Variants in RFC1 observed in about 807,000 individuals in gnomAD.
The protein encoded by RFC1 is replication factor C subunit 1.
Under a neutral mutation model 137.4 loss-of-function variants are expected in RFC1, and 37 were observed. The ratio of observed to expected loss-of-function variants is 0.27; its 90% CI spans 0.21 to 0.35. The LOEUF is 0.35. Among genes scored for constraint, RFC1 ranks in the 10% least tolerant of loss-of-function variants. The pLI is 1.00. For missense variants in RFC1, 1,205 were observed against 1,358.5 expected, an observed-to-expected ratio of 0.89 and a Z score of 1.78; for synonymous variants, 429 against 455.7, an observed-to-expected ratio of 0.94 and a Z score of 0.75.
intron 11 of RFC1, 24 bp from the exon 12 acceptor site, chr4:39,311,573 T>A: frequency 6.3e-7 from 1 of 1,580,158 alleles, no homozygotes; most frequent in South Asian, 1.1e-5. Flanking sequence ...ATGTAAACCA[T>A]CAAAACTGCA....
intron 4 of RFC1, among the ~76,000 whole-genome samples, chr4:39,329,125 C>CAAAAAAAAAAAAAAAAA (rs1739940741): frequency 3.9e-4 from 1 of 2,546 alleles, no homozygotes; most frequent in Non-Finnish European, 7.0e-4. Context: ...TTCAGTGACT[C>CAAAAAAAAAAAAAAAAA]ACAAAAAAAA....
chr4:39,321,147 T>C, intron 8 of RFC1, 140 bp downstream of exon 8: 1 of 647,748 alleles, frequency 1.5e-6, no homozygotes, highest in Non-Finnish European at 2.5e-6. Context: ...AGTTTCTAAG[T>C]TCAATATGCT....
At chr4:39,347,631 A>G (rs1394726232) in intron 2 of RFC1, among the ~76,000 whole-genome samples, 1 of 152,232 alleles carries the variant, frequency 6.6e-6, no homozygotes, top group Non-Finnish European at 1.5e-5. Flanking sequence ...ATTTTCTAGC[A>G]TGTAGAAAAA....
chr4:39,312,887 G>T lies in RFC1; in HGVS notation c.1248C>A (p.Gly416=). 6.2e-7 allele frequency: 1 copy of T among 1,613,828 alleles called. No homozygotes were observed. Among genetic ancestry groups the T allele is most frequent in the Non-Finnish European group, 8.5e-7 (1 of 1,179,896 alleles). ...CATCTCGTTCAATAGACTCCAGCAC[G>T]CCTGTGATTACAAATATAAGGCCTT... ...CLEGLIFVIT[G]VLESIERDEA... is the part of the protein sequence containing the mutation. Residue 416 remains glycine, a synonymous_variant, in exon 11 of 25, where the codon GGC becomes GGA. Coordinates refer to ENST00000349703, the MANE Select transcript of RFC1 (RefSeq NM_002913.5).
chr4:39,311,385 T>G, intron 12 of RFC1, 60 bp downstream of exon 12: 2 of 1,389,302 alleles, frequency 1.4e-6, no homozygotes, highest in Non-Finnish European at 2.0e-6. Context: ...CCAAGACATA[T>G]GTCTATGAAA....
chr4:39,287,854 T>C lies in RFC1; in HGVS notation c.*907A>G, dbSNP rs1319357276. ...CCAGTGTTCATTTTGTCCCCCACCA[T>C]AGTGAAATTAAGAGCCTGACCCAGC... On this transcript the variant is annotated 3_prime_UTR_variant, in exon 25 of 25. Coordinates refer to ENST00000349703, the MANE Select transcript of RFC1 (RefSeq NM_002913.5). 1 of 152,118 alleles carries C rather than the reference T, an allele frequency of 6.6e-6. No homozygotes were observed. Among genetic ancestry groups the C allele is most frequent in the Non-Finnish European group, 1.5e-5 (1 of 68,014 alleles). The allele number at this position is 152,118 out of a possible 1,614,324, so 9.4% of individuals were successfully genotyped here.
intron 1 of RFC1, among the ~76,000 whole-genome samples, chr4:39,362,435 T>C (rs573044897): frequency 1.3e-5 from 2 of 152,316 alleles, no homozygotes; most frequent in East Asian, 3.9e-4. Flanking sequence ...GGCATTTAGA[T>C]AGATATATAG....
chr4:39,325,213 AG>A (rs1282899093), intron 6 of RFC1, among the ~76,000 whole-genome samples: 13 of 152,254 alleles, frequency 8.5e-5, no homozygotes, highest in Admixed American at 3.9e-4. Context: ...TTCTCCCCTG[AG>A]TTCCTGACTC....
At chr4:39,359,430 G>C (rs1197008281) in intron 1 of RFC1, among the ~76,000 whole-genome samples, 1 of 152,192 alleles carries the variant, frequency 6.6e-6, no homozygotes, top group Non-Finnish European at 1.5e-5. Context: ...GATGGGACTG[G>C]AAACTATTAT....
rs759353426 is a variant in RFC1, at chr4:39,312,839, A to C, written c.1296T>G (p.Arg432=). The C allele has an allele frequency of 1.9e-6, 3 of 1,613,970 alleles. No homozygotes were observed. The highest frequency in any genetic ancestry group is 2.5e-6 in the Non-Finnish European group (3 of 1,179,990). The change falls in exon 11 of 25, where the codon CGT becomes CGG. Residue 432 remains arginine (R), a synonymous_variant. Transcript: ENST00000349703. The part of the protein sequence containing the change: ...ERDEAKSLIE[R]YGGKVTGNVS... ...CATTTCCTGTTACTTTTCCCCCATAACGTTCAATTAGAGACTTGGCCTCAT... is the reference window on the plus strand; with the variant it reads ...CATTTCCTGTTACTTTTCCCCCATACCGTTCAATTAGAGACTTGGCCTCAT...
Position 39,326,581 on chromosome 4 carries a change from C to T in RFC1, c.624G>A (p.Gln208=). The T allele has an allele frequency of 6.2e-7, 1 of 1,612,884 alleles. No homozygotes were observed. Among genetic ancestry groups the T allele is most frequent in the Non-Finnish European group, 8.5e-7 (1 of 1,179,134 alleles). ...CCAATACCTCCGCATCTTCATCAAG[C>T]TGTAATTGCTTGGCGATGGCTTCAT... The part of the protein sequence containing the change: ...LNDEAIAKQL[Q]LDEDAELERQ... Residue 208 remains glutamine, a synonymous_variant, in exon 6 of 25, where the codon CAG becomes CAA. Transcript: ENST00000349703.
In RFC1 at chr4:39,320,592, A is replaced by G. The variant is rs533588479; in HGVS notation, c.886T>C (p.Ser296Pro). 10 of 1,613,256 alleles carry G rather than the reference A, an allele frequency of 6.2e-6. No individual in the cohort carries two copies. Among genetic ancestry groups the G allele is most frequent in the African/African-American group, 5.3e-5 (4 of 74,848 alleles). The change falls in exon 9 of 25, where the codon TCT becomes CCT. Residue 296 changes from serine (S) to proline (P), a missense_variant. Transcript: ENST00000349703. ...GCTGATGACTTGGAATGTTGCTGAG[A>G]TTCTTTTGAACTTTCATATTTACTT... The part of the protein sequence containing the change: ...KQSKYESSKE[S>P]QQHSKSSADK...
intron 22 of RFC1, 33 bp from the exon 23 acceptor site, chr4:39,291,885 G>A: frequency 6.6e-7 from 1 of 1,504,882 alleles, no homozygotes; most frequent in Non-Finnish European, 9.3e-7. Flanking sequence ...ATAGTCAACA[G>A]CAAAGTATCA....
Position 39,291,825 on chromosome 4 carries a change from G to T in RFC1, c.2982C>A (p.Asn994Lys), listed in dbSNP as rs1737695129. The T allele has an allele frequency of 6.2e-7, 1 of 1,614,086 alleles. No individual in the cohort carries two copies. The change falls in exon 23 of 25, where the codon AAC (asparagine) becomes AAA (lysine). Residue 994 changes from asparagine (N) to lysine (K), a missense_variant. This residue lies in a region of RFC1 where 237 missense variants were observed against 304.2 expected (regional missense o/e 0.78). Coordinates refer to ENST00000349703, the MANE Select transcript of RFC1 (RefSeq NM_002913.5). ...LRTYSSKRTVNMDYLSLLRDA... is the reference protein window; with the variant it reads ...LRTYSSKRTVKMDYLSLLRDA... Reference sequence around the variant, plus strand: ...CCCTTAGAAGCGACAGATAATCCATGTTTACAGTCCTTTTGCTGGAGTAAG... The same window carrying T: ...CCCTTAGAAGCGACAGATAATCCATTTTTACAGTCCTTTTGCTGGAGTAAG...
intron 6 of RFC1, among the ~76,000 whole-genome samples, chr4:39,326,029 G>T (rs1317932037): frequency 6.6e-6 from 1 of 152,034 alleles, no homozygotes; most frequent in African/African-American, 2.4e-5. Flanking sequence ...GTGAAACTCC[G>T]TCTCTACTAA....
chr4:39,302,713 GA>G (rs748002907), intron 17 of RFC1, 23 bp downstream of exon 17: 6 of 1,551,530 alleles, frequency 3.9e-6, no homozygotes, highest in African/African-American at 1.4e-5. Flanking sequence ...TAGTGTGATG[GA>G]AAAAAAATTT....
rs140509314 is a variant in RFC1 at position 39,320,397 on chromosome 4, G to A, written c.1081C>T (p.Pro361Ser). The A allele has an allele frequency of 7.2e-5, 112 of 1,547,470 alleles. No individual in the cohort carries two copies. The highest frequency in any genetic ancestry group is 2.2e-4 in the Middle Eastern group (1 of 4,502). ...TKTPKKTKSS[P>S]AKKESVSPED... is the part of the protein sequence containing the mutation. Reference sequence around the variant, plus strand: ...AAAGTTCTTACCTCTTTTTTAGCTGGAGAACTTTTGGTTTTCTTAGGAGTT... The same window carrying A: ...AAAGTTCTTACCTCTTTTTTAGCTGAAGAACTTTTGGTTTTCTTAGGAGTT... The change falls in exon 9 of 25, where the codon CCA (proline) becomes TCA (serine). Residue 361 changes from proline to serine, a missense_variant. Coordinates refer to ENST00000349703, the MANE Select transcript of RFC1 (RefSeq NM_002913.5).
rs763288337 is a variant in RFC1, at chr4:39,295,748, G to A, written c.2820C>T (p.Ala940=). ...TCATCAACTCTCCAGGAAGAACACT[G>A]GCATAAATGGCCTGAAAAAAAATCA... ...WSLLPAQAIY[A]SVLPGELMRG... The change falls in exon 22 of 25, where the codon GCC becomes GCT. Residue 940 remains alanine, a synonymous_variant. Coordinates refer to ENST00000349703, the MANE Select transcript of RFC1 (RefSeq NM_002913.5). 8.7e-6 allele frequency: 14 copies of A among 1,607,860 alleles called. No individual in the cohort carries two copies. Among genetic ancestry groups the A allele is most frequent in the Non-Finnish European group, 1.0e-5 (12 of 1,178,040 alleles).
rs569007187 is a variant in RFC1 at position 39,327,755 on chromosome 4, A to T, written c.333T>A (p.Asp111Glu). The change falls in exon 5 of 25, where the codon GAT becomes GAA. Residue 111 changes from aspartate (D) to glutamate (E), a missense_variant and splice_region_variant. Asp to Glu is a conservative substitution (Grantham distance 45). Around this residue, in one of 3 missense-constraint regions of RFC1, gnomAD observed 962 missense variants for 1,035.3 expected, o/e 0.93. Coordinates refer to ENST00000349703, the MANE Select transcript of RFC1 (RefSeq NM_002913.5). Reference sequence around the variant, plus strand: ...TCTTACACATAAAGTCATCTTCTTCATCTTAAATGAAATGTAACCAAATAT... The same window carrying T: ...TCTTACACATAAAGTCATCTTCTTCTTCTTAAATGAAATGTAACCAAATAT... ...QDPVTYISET[D>E]EEDDFMCKKA... 1 of 1,579,756 alleles carries T rather than the reference A, an allele frequency of 6.3e-7. No individual in the cohort carries two copies. Among genetic ancestry groups the T allele is most frequent in the South Asian group, 1.2e-5 (1 of 85,216 alleles).
Sources: gnomAD v4.1 joint callset for allele counts (sites outside exome capture counted in the v4.1 genomes callset) on GRCh38, gnomAD v4.1.1 for gene constraint, gnomAD v4.1.1 regional missense constraint, MANE v1.5 for transcripts, NCBI Gene and HGNC (gene_info 2026-07-23, HGNC 2026-07-21) for gene names.